THEMIS: variants seen among roughly 807,000 people sequenced by gnomAD.
THEMIS encodes protein THEMIS.
Under a neutral mutation model 52.6 loss-of-function variants are expected in THEMIS, and 37 were observed. The ratio of observed to expected loss-of-function variants is 0.70; its 90% CI spans 0.54 to 0.93. The LOEUF (loss-of-function observed/expected upper bound fraction) is 0.93, where lower values mean the gene tolerates loss of function less well. Among genes scored for constraint, THEMIS ranks in the 40% least tolerant of loss-of-function variants. The pLI is 0.00. For synonymous variants in THEMIS, 292 were observed against 272.7 expected (o/e 1.07, Z -0.70); for missense variants, 808 against 763.1 (o/e 1.06, Z -0.69).
At chr6:127,875,381 C>A (rs1439539578) in intron 1 of THEMIS, among the ~76,000 whole-genome samples, 2 of 152,162 alleles carry the variant, frequency 1.3e-5, no homozygotes, top group African/African-American at 4.8e-5. Flanking sequence ...GTAGAAGAAG[C>A]CTCAACACAA....
chr6:127,777,125 A>C lies in THEMIS; in HGVS notation c.1758+35758T>G, dbSNP rs565118599. On this transcript the variant is annotated intron_variant, in intron 4 of 5. Coordinates refer to ENST00000368248, the MANE Select transcript of THEMIS (RefSeq NM_001010923.3). ...TTGAAAATTTCTGCTTTTAAATTGG[A>C]GTATTTACCCATCTACATTAAAGTG... 7.3e-5 allele frequency among the ~76,000 whole-genome samples: 11 copies of C among 150,386 alleles called. 1 individual carries two copies. The South Asian group carries it at 2.3e-3, about 31-fold the overall frequency.
chr6:127,710,096 G>T, intron 5 of THEMIS, 80 bp from the exon 6 acceptor site: 1 of 961,674 alleles, frequency 1.0e-6, no homozygotes, highest in Non-Finnish European at 1.5e-6. Context: ...TTCAAATACT[G>T]TCGACACTCA....
At chr6:127,906,893 G>T (rs1781283107) in intron 1 of THEMIS, among the ~76,000 whole-genome samples, 1 of 151,574 alleles carries the variant, frequency 6.6e-6, no homozygotes, top group South Asian at 2.1e-4. Flanking sequence ...CAATTCGTTT[G>T]TTAGATTCTC....
intron 2 of THEMIS, among the ~76,000 whole-genome samples, chr6:127,849,988 T>A (rs900668363): frequency 6.6e-6 from 1 of 152,062 alleles, no homozygotes; most frequent in South Asian, 2.1e-4. Flanking sequence ...AAACTATGCA[T>A]CCAACCAAGG....
intron 1 of THEMIS, among the ~76,000 whole-genome samples, chr6:127,910,706 C>T (rs1244868411): frequency 6.6e-6 from 1 of 152,178 alleles, no homozygotes; most frequent in Non-Finnish European, 1.5e-5. Context: ...TATACCCATA[C>T]AAACACCTGT....
At chr6:127,733,608 A>G (rs1774885151) in intron 4 of THEMIS, among the ~76,000 whole-genome samples, 1 of 152,214 alleles carries the variant, frequency 6.6e-6, no homozygotes, top group South Asian at 2.1e-4. Flanking sequence ...AACAGGTACC[A>G]GCTTTACGAG....
chr6:127,705,373 A>C (rs908665783), downstream of THEMIS, among the ~76,000 whole-genome samples: 33 of 152,190 alleles, frequency 2.2e-4, no homozygotes, highest in Non-Finnish European at 3.2e-4. Context: ...GGCAGATATT[A>C]CTGTAAGTCA....
At chr6:127,716,339 A>G (rs550742339) in intron 5 of THEMIS, among the ~76,000 whole-genome samples, 49 of 152,020 alleles carry the variant, frequency 3.2e-4, no homozygotes, top group Admixed American at 2.9e-3. Context: ...AGTGACCCAC[A>G]TAATAATCAG....
At chr6:127,765,746 T>C (rs1477475206) in intron 4 of THEMIS, among the ~76,000 whole-genome samples, 3 of 152,062 alleles carry the variant, frequency 2.0e-5, no homozygotes, top group Non-Finnish European at 2.9e-5. Context: ...AATAACATAA[T>C]GTACAGGTTT....
chr6:127,759,493 C>G (rs943572693), intron 4 of THEMIS, among the ~76,000 whole-genome samples: 2 of 152,176 alleles, frequency 1.3e-5, no homozygotes, highest in Non-Finnish European at 2.9e-5. Flanking sequence ...ATTCACTTCT[C>G]CTCAAACATA....
At chr6:127,861,560 G>T (rs1198499675) in intron 1 of THEMIS, among the ~76,000 whole-genome samples, 1 of 151,982 alleles carries the variant, frequency 6.6e-6, no homozygotes, top group Non-Finnish European at 1.5e-5. Flanking sequence ...AAGGTGGGTG[G>T]ATCACCTGAG....
At chr6:127,741,796 A>G (rs1010693659) in intron 4 of THEMIS, among the ~76,000 whole-genome samples, 29 of 152,244 alleles carry the variant, frequency 1.9e-4, no homozygotes, top group Admixed American at 5.9e-4. Flanking sequence ...CTCAGGCTAG[A>G]TATAAGAGAA....
chr6:127,833,469 A>T (rs1778768171), intron 2 of THEMIS, among the ~76,000 whole-genome samples: 1 of 152,222 alleles, frequency 6.6e-6, no homozygotes, highest in African/African-American at 2.4e-5. Flanking sequence ...ACTGGTAGTC[A>T]TAGCTCTGGA....
At chr6:127,807,253 T>C in intron 4 of THEMIS, 1 of 202,622 alleles carries the variant, frequency 4.9e-6, no homozygotes, top group Middle Eastern at 7.7e-4. Flanking sequence ...CCCAGCTACG[T>C]GGGAGGCTGA....
Position 127,731,864 on chromosome 6 carries a change from A to ATTTTTTTTTTTTTTTTTTTTTTTTTTTT in THEMIS, c.1759-12042_1759-12041insAAAAAAAAAAAAAAAAAAAAAAAAAAAA, listed in dbSNP as rs58263706. Among the ~76,000 whole-genome samples the ATTTTTTTTTTTTTTTTTTTTTTTTTTTT allele has an allele frequency of 1.3e-3, 54 of 41,712 alleles. 11 individuals carry two copies. In the East Asian group the frequency reaches 0.02, roughly 15 times the overall value. The allele number at this position is 41,712 out of a possible 152,430, so 27.4% of individuals were successfully genotyped here. ...AGGTGCATGCCACCATGCCCGGCTA[A>ATTTTTTTTTTTTTTTTTTTTTTTTTTTT]TTTTTTTTTTTTTTTTTTTTTTTAG... On this transcript the variant is annotated intron_variant, in intron 4 of 5. Coordinates refer to ENST00000368248, the MANE Select transcript of THEMIS (RefSeq NM_001010923.3).
chr6:127,765,583 T>C (rs1242561027), intron 4 of THEMIS, among the ~76,000 whole-genome samples: 1 of 152,158 alleles, frequency 6.6e-6, no homozygotes, highest in Non-Finnish European at 1.5e-5. Flanking sequence ...TATACAGTCA[T>C]GTGCCACATT....
chr6:127,875,559 T>TAA (rs953880449), intron 1 of THEMIS, among the ~76,000 whole-genome samples: 9 of 152,178 alleles, frequency 5.9e-5, no homozygotes, highest in African/African-American at 1.7e-4. Flanking sequence ...GTTGGAAATA[T>TAA]AATCTGAGCT....
intron 3 of THEMIS, among the ~76,000 whole-genome samples, chr6:127,820,077 C>T (rs1333495545): frequency 2.6e-5 from 4 of 151,986 alleles, no homozygotes; most frequent in Non-Finnish European, 5.9e-5. Context: ...GTTATTTGTG[C>T]TATTTGAAAG....
chr6:127,839,013 G>A (rs1022180396), intron 2 of THEMIS, among the ~76,000 whole-genome samples: 6 of 152,014 alleles, frequency 3.9e-5, no homozygotes, highest in African/African-American at 7.2e-5. Context: ...GGCAGGACAA[G>A]TACTCCCTCA....
Sources: gnomAD v4.1 joint callset for allele counts (sites outside exome capture counted in the v4.1 genomes callset) on GRCh38, gnomAD v4.1.1 for gene constraint, MANE v1.5 for transcripts, NCBI Gene and HGNC (gene_info 2026-07-23, HGNC 2026-07-21) for gene names.